The following CAST variants were observed in gnomAD, a reference collection of about 807,000 sequenced individuals.
CAST encodes the protein calpastatin.
Under a neutral mutation model 119.6 loss-of-function variants are expected in CAST, and 76 were observed. That is an observed-to-expected ratio of 0.64 (90% confidence interval 0.53 to 0.77). The LOEUF (loss-of-function observed/expected upper bound fraction) is 0.77, where lower values mean the gene tolerates loss of function less well. Ranked by LOEUF, CAST falls within the 30% of genes least tolerant of loss-of-function variation. CAST has a pLI of 0.00. For synonymous variants in CAST, 319 were observed against 331.6 expected, an observed-to-expected ratio of 0.96 and a Z score of 0.41; for missense variants, 953 against 946.5, an observed-to-expected ratio of 1.01 and a Z score of -0.09.
the CAST span, among the ~76,000 whole-genome samples, chr5:96,196,420 G>A: frequency 6.6e-6 from 1 of 152,164 alleles, no homozygotes; most frequent in East Asian, 1.9e-4. Context: ...ACTAAGTGCT[G>A]AGTAAATAAG....
chr5:96,728,603 A>G (rs1457922422), intron 6 of CAST: 1 of 152,122 alleles, frequency 6.6e-6, no homozygotes, highest in Non-Finnish European at 1.5e-5. Context: ...CCGCCTCCCG[A>G]GTAGCTGGGA....
the CAST span, among the ~76,000 whole-genome samples, chr5:95,981,493 T>A: frequency 1.3e-5 from 2 of 152,254 alleles, no homozygotes; most frequent in African/African-American, 4.8e-5. Flanking sequence ...CAGATTCTAA[T>A]TTAGTAGGTC....
At chr5:96,280,816 G>A in the CAST span, among the ~76,000 whole-genome samples, 1 of 150,904 alleles carries the variant, frequency 6.6e-6, no homozygotes, top group African/African-American at 2.4e-5. Flanking sequence ...CTAACACTAA[G>A]CCCCTGTTAC....
chr5:96,129,987 A>G, the CAST span, among the ~76,000 whole-genome samples: 13 of 150,352 alleles, frequency 8.6e-5, no homozygotes, highest in African/African-American at 2.7e-4. Context: ...ACAATTCCAT[A>G]TGAATAAATG....
At chr5:96,390,300 A>G in the CAST span, 1 of 152,226 alleles carries the variant, frequency 6.6e-6, no homozygotes, top group African/African-American at 2.4e-5. Context: ...TGTATAGTCC[A>G]TTTGGGAAAC....
At chr5:96,224,899 C>G in the CAST span, among the ~76,000 whole-genome samples, 2 of 152,190 alleles carry the variant, frequency 1.3e-5, no homozygotes, top group African/African-American at 2.4e-5. Context: ...TTACTCTGAA[C>G]TGGCCAACTC....
the CAST span, among the ~76,000 whole-genome samples, chr5:96,108,463 G>A: frequency 6.6e-6 from 1 of 152,132 alleles, no homozygotes; most frequent in East Asian, 1.9e-4. Context: ...TCAGCTGCAA[G>A]TCTGTTGGAG....
the CAST span, among the ~76,000 whole-genome samples, chr5:96,372,427 C>T: frequency 6.6e-6 from 1 of 152,042 alleles, no homozygotes; most frequent in Non-Finnish European, 1.5e-5. Flanking sequence ...ATGGTGGTTG[C>T]CCTCGGAAGA....
chr5:96,343,211 G>A, the CAST span, among the ~76,000 whole-genome samples: 2 of 151,908 alleles, frequency 1.3e-5, no homozygotes, highest in Admixed American at 6.6e-5. Flanking sequence ...ATTCTTTTAG[G>A]GGGTACACAA....
intron 1 of CAST, among the ~76,000 whole-genome samples, chr5:96,551,973 AC>A (rs1281998808): frequency 3.3e-5 from 5 of 152,172 alleles, no homozygotes; most frequent in African/African-American, 9.7e-5. Context: ...ATAATGGGAG[AC>A]TTTAACACCC....
the CAST span, among the ~76,000 whole-genome samples, chr5:96,284,151 G>A: frequency 3.9e-5 from 6 of 152,302 alleles, no homozygotes; most frequent in South Asian, 8.3e-4. Flanking sequence ...AAGGAGCAGT[G>A]TGTGGAAATA....
At chr5:96,398,727 C>T in the CAST span, 2 of 703,532 alleles carry the variant, frequency 2.8e-6, no homozygotes, top group Non-Finnish European at 5.0e-6. Context: ...GGAGATCTAA[C>T]ACCAAGAAAA....
the CAST span, among the ~76,000 whole-genome samples, chr5:95,991,104 A>T: frequency 6.6e-6 from 1 of 152,206 alleles, no homozygotes; most frequent in Non-Finnish European, 1.5e-5. Flanking sequence ...TCAAAAATTT[A>T]TTGCTGCACA....
chr5:96,766,683 A>G (rs937045536), intron 27 of CAST, among the ~76,000 whole-genome samples: 1 of 152,174 alleles, frequency 6.6e-6, no homozygotes, highest in Non-Finnish European at 1.5e-5. Flanking sequence ...CTCCCACATG[A>G]TAGAGGCCAG....
chr5:96,375,609 C>T, the CAST span, among the ~76,000 whole-genome samples: 2 of 151,912 alleles, frequency 1.3e-5, no homozygotes, highest in Non-Finnish European at 1.5e-5. Flanking sequence ...TTTAATAAAA[C>T]CTAACTTAGG....
intron 1 of CAST, among the ~76,000 whole-genome samples, chr5:96,666,336 GC>G (rs1554074474): frequency 6.6e-6 from 1 of 152,038 alleles, no homozygotes; most frequent in Non-Finnish European, 1.5e-5. Flanking sequence ...TAATGATCAA[GC>G]ATGAACGAAG....
the CAST span, among the ~76,000 whole-genome samples, chr5:96,378,554 T>A: frequency 2.0e-5 from 3 of 152,024 alleles, no homozygotes; most frequent in Admixed American, 2.0e-4. Context: ...ACTCAAGAAA[T>A]AAACCCCATC....
At chr5:96,708,719 G>A (rs988661022) in intron 3 of CAST, among the ~76,000 whole-genome samples, 2 of 152,068 alleles carry the variant, frequency 1.3e-5, no homozygotes, top group Non-Finnish European at 2.9e-5. Flanking sequence ...TTGAATTCCT[G>A]GGCTCAACTG....
chr5:96,631,942 T>C (rs1238028942), intron 1 of CAST, among the ~76,000 whole-genome samples: 2 of 152,166 alleles, frequency 1.3e-5, no homozygotes, highest in East Asian at 1.9e-4. Context: ...ACAGGGGCTG[T>C]ACCATTTTAC....
Sources: allele counts gnomAD v4.1 joint callset (sites outside exome capture counted in the v4.1 genomes callset), GRCh38; gene constraint gnomAD v4.1.1; transcripts MANE v1.5; gene names NCBI Gene and HGNC (gene_info 2026-07-23, HGNC 2026-07-21).